The following OPCML variants were observed in gnomAD, a reference collection of about 807,000 sequenced individuals.
The protein encoded by OPCML is opioid-binding protein/cell adhesion molecule.
A neutral mutation model predicts 37.8 loss-of-function variants in OPCML; 13 were observed. The ratio of observed to expected loss-of-function variants is 0.34; its 90% CI spans 0.22 to 0.55. The LOEUF is 0.55. Among genes scored for constraint, OPCML ranks in the 20% least tolerant of loss-of-function variants. The probability of loss-of-function intolerance (pLI) is 0.91; values close to 1 mark genes in which losing one functional copy is unlikely to be tolerated. For missense variants in OPCML, 341 were observed against 435.6 expected, an observed-to-expected ratio of 0.78 and a Z score of 1.93; for synonymous variants, 176 against 168.8, an observed-to-expected ratio of 1.04 and a Z score of -0.33.
chr11:132,495,552 T>C (rs2096228541), intron 4 of OPCML, among the ~76,000 whole-genome samples: 1 of 152,126 alleles, frequency 6.6e-6, no homozygotes, highest in South Asian at 2.1e-4. Flanking sequence ...GACTGTAAAA[T>C]TATTTGAGGC....
chr11:133,008,779 C>T (rs1947160486), intron 1 of OPCML: 1 of 528,326 alleles, frequency 1.9e-6, no homozygotes, highest in African/African-American at 2.1e-5. Context: ...AATTCTGATC[C>T]ACTTCCTGTT....
At chr11:132,599,366 G>A (rs1484376886) in intron 3 of OPCML, among the ~76,000 whole-genome samples, 1 of 128,494 alleles carries the variant, frequency 7.8e-6, no homozygotes. Context: ...GGAGAAGGAG[G>A]AGGAGGAAGA....
chr11:132,516,883 C>A (rs1464000275), intron 4 of OPCML, among the ~76,000 whole-genome samples: 1 of 152,136 alleles, frequency 6.6e-6, no homozygotes, highest in African/African-American at 2.4e-5. Flanking sequence ...CAGACTGACT[C>A]TAGCTGATTT....
intron 1 of OPCML, among the ~76,000 whole-genome samples, chr11:133,148,798 T>C (rs1172753842): frequency 6.6e-6 from 1 of 152,186 alleles, no homozygotes; most frequent in Non-Finnish European, 1.5e-5. Flanking sequence ...ATTCTGACTC[T>C]GAGCACAGCA....
At chr11:132,566,639 T>C (rs1398159793) in intron 3 of OPCML, among the ~76,000 whole-genome samples, 1 of 152,186 alleles carries the variant, frequency 6.6e-6, no homozygotes, top group Admixed American at 6.5e-5. Context: ...TAATTTTGGG[T>C]GAAACAATCC....
At chr11:133,492,650 T>G (rs1947690374) in intron 1 of OPCML, among the ~76,000 whole-genome samples, 1 of 131,368 alleles carries the variant, frequency 7.6e-6, no homozygotes, top group African/African-American at 3.0e-5. Flanking sequence ...AAGGGGAAAA[T>G]AAAAAGTAAT....
At chr11:133,276,841 T>A (rs77006074) in intron 1 of OPCML, among the ~76,000 whole-genome samples, 6,049 of 152,168 alleles carry the variant, frequency 0.04, 349 homozygotes, top group African/African-American at 0.13. Context: ...TTGCCCCAAT[T>A]ATTTTACTCT....
intron 2 of OPCML, among the ~76,000 whole-genome samples, chr11:132,880,230 T>C (rs757126655): frequency 6.6e-6 from 1 of 152,170 alleles, no homozygotes; most frequent in Non-Finnish European, 1.5e-5. Context: ...AAAAATTAAA[T>C]GTTTAAATAA....
At chr11:133,004,539 C>T (rs1947070330) in intron 1 of OPCML, 3 of 985,306 alleles carry the variant, frequency 3.0e-6, no homozygotes, top group Admixed American at 6.1e-5. Context: ...CCATGCACCT[C>T]TTGGCCGTCC....
chr11:133,506,802 T>C (rs79018191), intron 1 of OPCML, among the ~76,000 whole-genome samples: 2,287 of 152,314 alleles, frequency 0.015, 61 homozygotes, highest in African/African-American at 0.051. Flanking sequence ...CCACTGCCCA[T>C]GTGCTGTCCT....
chr11:132,585,593 C>T (rs1176972604), intron 3 of OPCML, among the ~76,000 whole-genome samples: 4 of 152,052 alleles, frequency 2.6e-5, no homozygotes, highest in South Asian at 2.1e-4. Flanking sequence ...AAATCAAGAT[C>T]GGGCAATTGT....
chr11:133,117,399 C>T lies in OPCML; in HGVS notation c.62-174389G>A, dbSNP rs150235063. Among the ~76,000 whole-genome samples, 34 of 152,264 alleles carry T rather than the reference C, an allele frequency of 2.2e-4. No homozygotes were observed. The East Asian group carries it at 5.8e-3, about 26-fold the overall frequency. On this transcript the variant is annotated intron_variant, in intron 1 of 7. Coordinates refer to ENST00000524381, the MANE Select transcript of OPCML (RefSeq NM_001012393.5). Reference sequence around the variant, plus strand: ...AGAACCTGTGATGGACCAGAGCTTTCGGGGCCTTCTTATAACCATGGTCCT... The same window carrying T: ...AGAACCTGTGATGGACCAGAGCTTTTGGGGCCTTCTTATAACCATGGTCCT...
chr11:132,482,749 G>T (rs1281208985), intron 4 of OPCML, among the ~76,000 whole-genome samples: 4 of 152,110 alleles, frequency 2.6e-5, no homozygotes, highest in Non-Finnish European at 5.9e-5. Flanking sequence ...TCCCTGGGAT[G>T]CAAGGCTGGT....
In OPCML at chr11:132,773,576, C is replaced by G. The variant is rs1239312309; in HGVS notation, c.147-116257G>C. On this transcript the variant is annotated intron_variant, in intron 2 of 7. Coordinates refer to ENST00000524381, the MANE Select transcript of OPCML (RefSeq NM_001012393.5). Reference sequence around the variant, plus strand: ...ATCATGGTGGCATTTTCTTACCTCCCAATTAACCTTCACATTGGTAAACAC... The same window carrying G: ...ATCATGGTGGCATTTTCTTACCTCCGAATTAACCTTCACATTGGTAAACAC... Among the ~76,000 whole-genome samples the G allele has an allele frequency of 2.6e-5, 4 of 152,188 alleles. No individual in the cohort carries two copies. In the East Asian group the frequency reaches 7.7e-4, roughly 29 times the overall value.
intron 2 of OPCML, among the ~76,000 whole-genome samples, chr11:132,918,990 C>T (rs1944698522): frequency 6.6e-6 from 1 of 152,048 alleles, no homozygotes; most frequent in Admixed American, 6.5e-5. Context: ...AATGGTAAAA[C>T]ATAATAGACA....
At chr11:132,955,468 C>T (rs1374697129) in intron 1 of OPCML, among the ~76,000 whole-genome samples, 1 of 152,190 alleles carries the variant, frequency 6.6e-6, no homozygotes, top group Non-Finnish European at 1.5e-5. Flanking sequence ...CTAGAACATA[C>T]ACCTGACAGA....
chr11:133,367,139 C>T (rs1368231201), intron 1 of OPCML, among the ~76,000 whole-genome samples: 1 of 152,144 alleles, frequency 6.6e-6, no homozygotes, highest in African/African-American at 2.4e-5. Flanking sequence ...CCACGACACC[C>T]AGCTAACTTT....
chr11:133,126,227 G>A (rs2137126463), intron 1 of OPCML, among the ~76,000 whole-genome samples: 1 of 152,096 alleles, frequency 6.6e-6, no homozygotes, highest in African/African-American at 2.4e-5. Context: ...CCAAGAATCA[G>A]GAGCATTAAG....
At chr11:132,446,584 A>G (rs1282709537) in intron 4 of OPCML, among the ~76,000 whole-genome samples, 1 of 152,156 alleles carries the variant, frequency 6.6e-6, no homozygotes, top group Non-Finnish European at 1.5e-5. Flanking sequence ...AGTAGAGCTT[A>G]AACAGCTAAG....
Sources: gnomAD v4.1 joint callset for allele counts (sites outside exome capture counted in the v4.1 genomes callset) on GRCh38, gnomAD v4.1.1 for gene constraint, MANE v1.5 for transcripts, NCBI Gene and HGNC (gene_info 2026-07-23, HGNC 2026-07-21) for gene names.